Variants in BEAN1 observed in about 807,000 individuals in gnomAD.
BEAN1 encodes the protein protein BEAN1.
A neutral mutation model predicts 17.7 loss-of-function variants in BEAN1; 17 were observed. The observed-to-expected ratio is 0.96, with a 90% CI of 0.66 to 1.44. BEAN1 has a LOEUF of 1.44. BEAN1 is among the 40% of genes most tolerant of loss of function. The pLI, the probability that BEAN1 is intolerant of heterozygous loss-of-function variation, is 0.00. For synonymous variants in BEAN1, 142 were observed against 151.8 expected (o/e 0.94, Z 0.47); for missense variants, 359 against 374.1 (o/e 0.96, Z 0.33).
intron 1 of BEAN1, among the ~76,000 whole-genome samples, chr16:66,428,725 G>A (rs1267288918): frequency 6.6e-6 from 1 of 152,152 alleles, no homozygotes; most frequent in Non-Finnish European, 1.5e-5. Context: ...ATTGTGGTGG[G>A]CTACAGGTGT....
chr16:66,489,789 A>G (rs1395279093), intron 4 of BEAN1, among the ~76,000 whole-genome samples: 1 of 152,168 alleles, frequency 6.6e-6, no homozygotes, highest in African/African-American at 2.4e-5. Context: ...AGGGGGCTAC[A>G]TACAGAAAGG....
At chr16:66,438,339 A>T (rs1962113948) in intron 2 of BEAN1, among the ~76,000 whole-genome samples, 1 of 151,714 alleles carries the variant, frequency 6.6e-6, no homozygotes, top group Non-Finnish European at 1.5e-5. Flanking sequence ...AGCCGAGATC[A>T]CACCATTGCA....
chr16:66,474,005 A>T (rs999080254), intron 3 of BEAN1, among the ~76,000 whole-genome samples: 1 of 152,118 alleles, frequency 6.6e-6, no homozygotes, highest in Non-Finnish European at 1.5e-5. Flanking sequence ...TCCAGCCCGC[A>T]GGTCAGCTCC....
downstream of BEAN1, chr16:66,485,135 C>T (rs935796389): frequency 1.5e-4 from 70 of 453,300 alleles, no homozygotes; most frequent in Non-Finnish European, 2.6e-4. Context: ...TGTTCACAGC[C>T]ACCACGAGGA....
At chr16:66,490,310 T>A (rs1386917973) in intron 4 of BEAN1, among the ~76,000 whole-genome samples, 1 of 142,756 alleles carries the variant, frequency 7.0e-6, no homozygotes, top group Non-Finnish European at 1.5e-5. Context: ...GGCAGGAGAA[T>A]CGCTTGAACC....
At chr16:66,462,124 T>C (rs989065358) in intron 2 of BEAN1, among the ~76,000 whole-genome samples, 1 of 152,236 alleles carries the variant, frequency 6.6e-6, no homozygotes, top group African/African-American at 2.4e-5. Flanking sequence ...GTGGCAGGTA[T>C]GCTATAGATT....
At chr16:66,435,613 G>T (rs532245576) in intron 1 of BEAN1, among the ~76,000 whole-genome samples, 1 of 152,074 alleles carries the variant, frequency 6.6e-6, no homozygotes, top group Non-Finnish European at 1.5e-5. Context: ...TCAGCCTCCC[G>T]AGTAGCTGGG....
chr16:66,469,158 G>A (rs887830049), intron 2 of BEAN1, among the ~76,000 whole-genome samples: 1 of 152,204 alleles, frequency 6.6e-6, no homozygotes, highest in Non-Finnish European at 1.5e-5. Flanking sequence ...CGGCAGAATC[G>A]TTACTCATAC....
At chr16:66,437,821 G>T in intron 2 of BEAN1, 120 bp downstream of exon 2, 1 of 1,290,346 alleles carries the variant, frequency 7.7e-7, no homozygotes, top group Non-Finnish European at 1.1e-6. Flanking sequence ...CCAACCAGAG[G>T]CTAATGTGGC....
rs891716513 is a variant in BEAN1, at chr16:66,450,737, A to AAAAG, written c.25+13052_25+13055dup. On this transcript the variant is annotated intron_variant, in intron 2 of 4. Coordinates refer to ENST00000536005, the MANE Select transcript of BEAN1 (RefSeq NM_001178020.3). ...AAGAAGACCCTGTCTCAAAAATCAA[A>AAAAG]AAAGAAAGAAAGAAAGAAAAGAAAA... Among the ~76,000 whole-genome samples the AAAAG allele has an allele frequency of 3.3e-5, 5 of 152,182 alleles. No individual in the cohort carries two copies. In the South Asian group the frequency reaches 6.2e-4, roughly 19 times the overall value.
intron 2 of BEAN1, among the ~76,000 whole-genome samples, chr16:66,445,668 A>G (rs146999737): frequency 1.3e-5 from 2 of 152,084 alleles, no homozygotes; most frequent in South Asian, 2.1e-4. Context: ...GGCTTGATCC[A>G]TCAACAGCAT....
chr16:66,463,510 G>C (rs556606723), intron 2 of BEAN1, among the ~76,000 whole-genome samples: 88 of 152,270 alleles, frequency 5.8e-4, no homozygotes, highest in African/African-American at 2.0e-3. Context: ...TTATTGAGTT[G>C]TAAGAGCTCT....
intron 3 of BEAN1, chr16:66,476,291 C>T (rs763692307): frequency 6.6e-6 from 1 of 152,070 alleles, no homozygotes; most frequent in Non-Finnish European, 1.5e-5. Context: ...TATCCAGATT[C>T]TTCCACTCAC....
intron 2 of BEAN1, among the ~76,000 whole-genome samples, chr16:66,466,463 G>A (rs1273590394): frequency 6.6e-6 from 1 of 152,176 alleles, no homozygotes; most frequent in African/African-American, 2.4e-5. Context: ...TAGAAGGTTA[G>A]GTTGTTGATT....
intron 2 of BEAN1, among the ~76,000 whole-genome samples, chr16:66,466,279 A>T (rs1233038166): frequency 6.6e-6 from 1 of 152,202 alleles, no homozygotes; most frequent in African/African-American, 2.4e-5. Flanking sequence ...TCTGTCTCAA[A>T]AAAAACAAAC....
intron 1 of BEAN1, among the ~76,000 whole-genome samples, chr16:66,432,125 G>GT (rs1449656865): frequency 1.2e-4 from 19 of 152,176 alleles, no homozygotes; most frequent in Admixed American, 1.1e-3. Flanking sequence ...CCCTTTTCTA[G>GT]TATCAAGACC....
In BEAN1 at chr16:66,480,945, C is replaced by A; in HGVS notation, c.*20C>A. 1 of 1,415,184 alleles carries A rather than the reference C, an allele frequency of 7.1e-7. No individual in the cohort carries two copies. Among genetic ancestry groups the A allele is most frequent in the South Asian group, 1.5e-5 (1 of 67,168 alleles). The allele number at this position is 1,415,184 out of a possible 1,614,324, so 87.7% of individuals were successfully genotyped here. A position where few individuals can be genotyped will look rare whatever the true frequency, so the allele number is the denominator to read the frequency against. Reference sequence around the variant, plus strand: ...GTGTGAGGGACCCAGCCAGCCGGGTCCTGCTGGTCCCTACAGGCTGAACCA... The same window carrying A: ...GTGTGAGGGACCCAGCCAGCCGGGTACTGCTGGTCCCTACAGGCTGAACCA... On this transcript the variant is annotated 3_prime_UTR_variant, in exon 5 of 5. Coordinates refer to ENST00000536005, the MANE Select transcript of BEAN1 (RefSeq NM_001178020.3).
intron 4 of BEAN1, among the ~76,000 whole-genome samples, chr16:66,479,545 AAC>A (rs147401996): frequency 1.3e-5 from 2 of 151,430 alleles, no homozygotes; most frequent in African/African-American, 4.8e-5. Context: ...TCCCCCTCCA[AAC>A]ACACACACAC....
At chr16:66,453,338 G>GTT (rs1962745847) in intron 2 of BEAN1, among the ~76,000 whole-genome samples, 1 of 143,154 alleles carries the variant, frequency 7.0e-6, no homozygotes, top group East Asian at 2.1e-4. Context: ...TTTTCATTCT[G>GTT]TTATACACAC....
Sources: allele counts gnomAD v4.1 joint callset (sites outside exome capture counted in the v4.1 genomes callset), GRCh38; gene constraint gnomAD v4.1.1; transcripts MANE v1.5; gene names NCBI Gene and HGNC (gene_info 2026-07-23, HGNC 2026-07-21).